Variants in MED13 observed in about 807,000 individuals in gnomAD.
MED13 encodes the protein mediator of RNA polymerase II transcription subunit 13.
Under a neutral mutation model 225.2 loss-of-function variants are expected in MED13, and 23 were observed. The observed-to-expected ratio is 0.10, with a 90% confidence interval of 0.07 to 0.14. The LOEUF (loss-of-function observed/expected upper bound fraction) is 0.14, where lower values mean the gene tolerates loss of function less well. Among genes scored for constraint, MED13 ranks in the 10% least tolerant of loss-of-function variants. The pLI, the probability that MED13 is intolerant of heterozygous loss-of-function variation, is 1.00. For missense variants in MED13, 2,197 were observed against 2,594.5 expected (o/e 0.85, Z 3.33); for synonymous variants, 942 against 889.2 (o/e 1.06, Z -1.06).
chr17:61,980,386 CATA>C (rs1386239523), intron 16 of MED13, among the ~76,000 whole-genome samples: 2 of 152,138 alleles, frequency 1.3e-5, no homozygotes, highest in African/African-American at 2.4e-5. Flanking sequence ...CACAGCTTTT[CATA>C]ATAACTCACA....
chr17:61,970,892 G>GT (rs1453322095), intron 17 of MED13, among the ~76,000 whole-genome samples: 2 of 151,788 alleles, frequency 1.3e-5, no homozygotes, highest in Non-Finnish European at 2.9e-5. Context: ...GGGTGTGGTG[G>GT]TGAGCACCTG....
chr17:61,988,850 A>T (rs2080270545), intron 11 of MED13, among the ~76,000 whole-genome samples: 1 of 151,936 alleles, frequency 6.6e-6, no homozygotes, highest in African/African-American at 2.4e-5. Flanking sequence ...TCTACTCTGA[A>T]TTTTCAAATA....
intron 8 of MED13, among the ~76,000 whole-genome samples, chr17:62,029,040 A>G (rs960300119): frequency 2.0e-5 from 3 of 152,014 alleles, no homozygotes; most frequent in Non-Finnish European, 4.4e-5. Flanking sequence ...ACATGCCTAT[A>G]ACCCTAGCTA....
At chr17:61,958,367 T>C (rs2079967810) in intron 23 of MED13, among the ~76,000 whole-genome samples, 1 of 149,018 alleles carries the variant, frequency 6.7e-6, no homozygotes, top group Non-Finnish European at 1.5e-5. Flanking sequence ...GAGACAAGAG[T>C]CTCGCTCTGT....
At chr17:62,000,455 T>G (rs974258458) in intron 9 of MED13, among the ~76,000 whole-genome samples, 5 of 152,334 alleles carry the variant, frequency 3.3e-5, no homozygotes, top group African/African-American at 1.2e-4. Context: ...TACGATGTAC[T>G]CACATTACAT....
At chr17:62,054,078 G>A (rs2080977859) in intron 2 of MED13, among the ~76,000 whole-genome samples, 1 of 152,082 alleles carries the variant, frequency 6.6e-6, no homozygotes, top group Non-Finnish European at 1.5e-5. Flanking sequence ...AGGCTGAGGT[G>A]GGCGGATCAC....
At chr17:62,017,603 G>T (rs889862048) in intron 8 of MED13, among the ~76,000 whole-genome samples, 1 of 152,072 alleles carries the variant, frequency 6.6e-6, no homozygotes, top group Non-Finnish European at 1.5e-5. Flanking sequence ...CAAAGATGGT[G>T]CAAAAACAAT....
intron 3 of MED13, among the ~76,000 whole-genome samples, chr17:62,051,202 A>AT (rs2080953811): frequency 6.6e-6 from 1 of 152,182 alleles, no homozygotes; most frequent in Non-Finnish European, 1.5e-5. Flanking sequence ...TATGTCAACT[A>AT]AAGTTTCCAG....
intron 23 of MED13, among the ~76,000 whole-genome samples, chr17:61,958,557 T>C (rs1406883149): frequency 6.6e-6 from 1 of 152,096 alleles, no homozygotes; most frequent in Admixed American, 6.6e-5. Flanking sequence ...CAGGATGGTC[T>C]TGATCTCTTG....
At chr17:61,963,458 CTATA>C (rs1310469526) in intron 20 of MED13, among the ~76,000 whole-genome samples, 1 of 151,924 alleles carries the variant, frequency 6.6e-6, no homozygotes, top group Non-Finnish European at 1.5e-5. Flanking sequence ...CTCTCTCTCT[CTATA>C]TATGTGTATA....
At chr17:61,983,282 A>G (rs954070347) in intron 15 of MED13, among the ~76,000 whole-genome samples, 168 bp from the exon 16 acceptor site, 1 of 152,204 alleles carries the variant, frequency 6.6e-6, no homozygotes, top group Non-Finnish European at 1.5e-5. Context: ...TCTGGTTAAC[A>G]TATCTACTCT....
At chr17:61,999,409 T>A (rs182354765) in intron 9 of MED13, among the ~76,000 whole-genome samples, 1 of 152,020 alleles carries the variant, frequency 6.6e-6, no homozygotes, top group South Asian at 2.1e-4. Flanking sequence ...AAAAAAGATA[T>A]AATGTTTCTT....
At chr17:62,015,915 C>CACATATATATATATATATATATAT (rs1230248036) in intron 8 of MED13, among the ~76,000 whole-genome samples, 1 of 8,600 alleles carries the variant, frequency 1.2e-4, no homozygotes, top group Non-Finnish European at 2.2e-4. Context: ...ACACTATACA[C>CACATATATATATATATATATATAT]ATATATATAT....
intron 5 of MED13, among the ~76,000 whole-genome samples, chr17:62,032,097 G>C (rs926684354): frequency 2.0e-5 from 3 of 151,514 alleles, no homozygotes; most frequent in Non-Finnish European, 1.5e-5. Context: ...TTCTGTTTCT[G>C]TCACAACTGC....
chr17:62,049,092 A>AAAAAAAAAAAAAAAAAAAAAAAAAC, intron 3 of MED13, among the ~76,000 whole-genome samples: 1 of 151,082 alleles, frequency 6.6e-6, no homozygotes, highest in African/African-American at 2.4e-5. Context: ...AAAAAAAAAA[A>AAAAAAAAAAAAAAAAAAAAAAAAAC]AAAGGAGAAA....
intron 8 of MED13, among the ~76,000 whole-genome samples, chr17:62,022,406 T>C (rs1037768431): frequency 3.3e-5 from 5 of 152,006 alleles, no homozygotes; most frequent in African/African-American, 1.2e-4. Context: ...ACAAACTGTA[T>C]GTCCATCAAA....
At chr17:62,009,458 A>C (rs2080485691) in intron 9 of MED13, among the ~76,000 whole-genome samples, 1 of 152,214 alleles carries the variant, frequency 6.6e-6, no homozygotes, top group Non-Finnish European at 1.5e-5. Context: ...ACCTAAATAC[A>C]CCCAAAACAT....
intron 8 of MED13, among the ~76,000 whole-genome samples, chr17:62,017,175 A>G (rs2080590350): frequency 6.7e-6 from 1 of 149,808 alleles, no homozygotes; most frequent in Non-Finnish European, 1.5e-5. Flanking sequence ...ACTTTTGTCC[A>G]TGTTTGAAGT....
chr17:61,971,690 T>C (rs2080110592), intron 17 of MED13, among the ~76,000 whole-genome samples: 2 of 152,076 alleles, frequency 1.3e-5, no homozygotes, highest in South Asian at 4.1e-4. Context: ...TCCCAGCACT[T>C]AGGGAGGCTG....
Sources: gnomAD v4.1 joint callset for allele counts (sites outside exome capture counted in the v4.1 genomes callset) on GRCh38, gnomAD v4.1.1 for gene constraint, MANE v1.5 for transcripts, NCBI Gene and HGNC (gene_info 2026-07-23, HGNC 2026-07-21) for gene names.